Variants in MYO16 observed in about 807,000 individuals in gnomAD.
The protein encoded by MYO16 is unconventional myosin-XVI.
In MYO16, 94 loss-of-function variants were observed where a neutral mutation model predicts 205.3. The observed-to-expected ratio is 0.46, with a 90% CI of 0.39 to 0.54. The LOEUF is 0.54. MYO16 is among the 20% of genes least tolerant of loss of function. The pLI is 0.00. For synonymous variants in MYO16, 988 were observed against 954.0 expected (o/e 1.04, Z -0.66); for missense variants, 2,315 against 2,387.5 (o/e 0.97, Z 0.63).
At chr13:108,584,566 C>T in the MYO16 span, among the ~76,000 whole-genome samples, 4,058 of 152,174 alleles carry the variant, frequency 0.027, 171 homozygotes, top group African/African-American at 0.091. Context: ...CACCAGAACT[C>T]ATTCCCTCCA....
At chr13:108,707,965 A>C (rs1883577075) in intron 2 of MYO16, among the ~76,000 whole-genome samples, 1 of 152,084 alleles carries the variant, frequency 6.6e-6, no homozygotes, top group African/African-American at 2.4e-5. Flanking sequence ...GAGGACAAAA[A>C]CTCAGCTAAA....
At chr13:109,073,108 C>CTTT (rs67656911) in intron 27 of MYO16, among the ~76,000 whole-genome samples, 69,182 of 148,004 alleles carry the variant, frequency 0.47, 16,313 homozygotes, top group Middle Eastern at 0.53. Flanking sequence ...TATGGAATAT[C>CTTT]TTTTTTTTTT....
At chr13:108,624,936 A>G (rs1459391137), upstream of MYO16, among the ~76,000 whole-genome samples, 1 of 152,060 alleles carries the variant, frequency 6.6e-6, no homozygotes, top group Non-Finnish European at 1.5e-5. Context: ...TTAAAATTGC[A>G]TTTCTTTTCT....
chr13:109,117,377 AAT>A (rs1351457635), intron 28 of MYO16, among the ~76,000 whole-genome samples: 3 of 133,188 alleles, frequency 2.3e-5, no homozygotes, highest in Non-Finnish European at 4.7e-5. Flanking sequence ...AAATATATAT[AAT>A]ATATGCGTGT....
In MYO16 at chr13:108,777,263, C is replaced by G. The variant is rs1313368030; in HGVS notation, c.508-8372C>G. On this transcript the variant is annotated intron_variant, in intron 4 of 34. Coordinates refer to ENST00000457511, the MANE Select transcript of MYO16 (RefSeq NM_001198950.3). ...AGAAAGGCACGACATAGGTACTAGC[C>G]AGCGTCCAGTAGAAGACAAAAAGTC... Among the ~76,000 whole-genome samples the G allele has an allele frequency of 2.0e-5, 3 of 152,096 alleles. 1 individual carries two copies. The highest frequency in any genetic ancestry group is 4.2e-4 in the South Asian group (2 of 4,818).
intron 27 of MYO16, among the ~76,000 whole-genome samples, chr13:109,087,361 A>G (rs1888463838): frequency 6.6e-6 from 1 of 152,232 alleles, no homozygotes; most frequent in Non-Finnish European, 1.5e-5. Context: ...AACTCACAAC[A>G]CCAGCCAGGT....
At chr13:108,687,551 C>A (rs546253294) in intron 2 of MYO16, among the ~76,000 whole-genome samples, 1 of 152,158 alleles carries the variant, frequency 6.6e-6, no homozygotes, top group Non-Finnish European at 1.5e-5. Context: ...TTAAACCACT[C>A]ATTTCTGGGC....
intron 34 of MYO16, among the ~76,000 whole-genome samples, chr13:109,196,369 A>T (rs183604665): frequency 1.8e-4 from 27 of 152,320 alleles, no homozygotes; most frequent in Admixed American, 1.6e-3. Context: ...TCTATGAAGG[A>T]ATCTTCTTGT....
the MYO16 span, among the ~76,000 whole-genome samples, chr13:108,552,984 C>T: frequency 6.8e-6 from 1 of 146,344 alleles, no homozygotes; most frequent in Non-Finnish European, 1.5e-5. Flanking sequence ...AAGGTCCCAA[C>T]TCTTAGTACT....
chr13:108,603,768 C>T (rs896838833), intron 1 of MYO16, among the ~76,000 whole-genome samples: 7 of 152,152 alleles, frequency 4.6e-5, no homozygotes, highest in African/African-American at 1.7e-4. Context: ...GACACATATG[C>T]TTATGCTATT....
chr13:108,579,717 T>A, the MYO16 span, among the ~76,000 whole-genome samples: 3 of 152,148 alleles, frequency 2.0e-5, no homozygotes, highest in Admixed American at 2.0e-4. Context: ...GCGATACAGG[T>A]GTGAGCCACC....
At chr13:109,015,395 T>C (rs953998975) in intron 22 of MYO16, among the ~76,000 whole-genome samples, 2 of 152,200 alleles carry the variant, frequency 1.3e-5, no homozygotes, top group African/African-American at 4.8e-5. Flanking sequence ...CGCATCGATG[T>C]TCATCAGGGC....
At chr13:108,773,868 A>G (rs1363589925) in intron 4 of MYO16, among the ~76,000 whole-genome samples, 3 of 152,226 alleles carry the variant, frequency 2.0e-5, no homozygotes, top group Admixed American at 2.0e-4. Context: ...TTAGATAGAT[A>G]ATTCACACTT....
At chr13:108,986,564 G>A (rs1884641933) in intron 20 of MYO16, among the ~76,000 whole-genome samples, 1 of 150,254 alleles carries the variant, frequency 6.7e-6, no homozygotes, top group Non-Finnish European at 1.5e-5. Flanking sequence ...GGAGGTTGTG[G>A]TGAGCCGAGA....
chr13:109,174,231 AAGC>A (rs1473822767), intron 33 of MYO16, among the ~76,000 whole-genome samples: 2 of 152,178 alleles, frequency 1.3e-5, no homozygotes. Context: ...TTAATTCTAT[AAGC>A]GGATTTGGAG....
intron 1 of MYO16, among the ~76,000 whole-genome samples, chr13:108,648,116 C>A (rs1310134863): frequency 2.6e-5 from 4 of 152,188 alleles, no homozygotes; most frequent in African/African-American, 9.7e-5. Flanking sequence ...TGCTTTACAT[C>A]AACTTTTCAG....
intron 27 of MYO16, among the ~76,000 whole-genome samples, chr13:109,080,110 C>G (rs551174240): frequency 3.3e-5 from 5 of 151,772 alleles, no homozygotes; most frequent in Non-Finnish European, 7.4e-5. Context: ...CTCCTGACCT[C>G]GTGATCCACC....
At chr13:109,007,193 C>T (rs1885416383) in intron 21 of MYO16, among the ~76,000 whole-genome samples, 1 of 152,102 alleles carries the variant, frequency 6.6e-6, no homozygotes, top group Non-Finnish European at 1.5e-5. Flanking sequence ...TCTAGACCAA[C>T]CTGTCTAACA....
At chr13:109,147,203 A>G (rs1877382921) in intron 32 of MYO16, among the ~76,000 whole-genome samples, 1 of 152,164 alleles carries the variant, frequency 6.6e-6, no homozygotes, top group Non-Finnish European at 1.5e-5. Flanking sequence ...TAAATATTAT[A>G]TCAGGTAGAA....
Sources: allele counts gnomAD v4.1 joint callset (sites outside exome capture counted in the v4.1 genomes callset), GRCh38; gene constraint gnomAD v4.1.1; transcripts MANE v1.5; gene names NCBI Gene and HGNC (gene_info 2026-07-23, HGNC 2026-07-21).